Variants in EHBP1L1 observed in about 807,000 individuals in gnomAD.
EHBP1L1 encodes the protein EH domain binding protein 1 like 1.
In EHBP1L1, 122 loss-of-function variants were observed where a neutral mutation model predicts 151.1. That is an observed-to-expected ratio of 0.81 (90% CI 0.70 to 0.94). The LOEUF (loss-of-function observed/expected upper bound fraction) is 0.94. EHBP1L1 is among the 40% of genes least tolerant of loss of function. The pLI, the probability that EHBP1L1 is intolerant of heterozygous loss-of-function variation, is 0.00. For synonymous variants in EHBP1L1, 878 were observed against 810.1 expected, an observed-to-expected ratio of 1.08 and a Z score of -1.42; for missense variants, 1,941 against 1,959.8, an observed-to-expected ratio of 0.99 and a Z score of 0.18.
rs929367795 is a variant in EHBP1L1 at position 65,591,830 on chromosome 11, C to G, written c.4314C>G (p.Phe1438Leu). Residue 1438 changes from phenylalanine (F) to leucine (L), a missense_variant, in exon 17 of 19, where the codon TTC (phenylalanine) becomes TTG (leucine). Physicochemically the swap from Phe to Leu is conservative, Grantham distance 22. Coordinates refer to ENST00000309295, the MANE Select transcript of EHBP1L1 (RefSeq NM_001099409.3). The stretch of plus-strand genomic sequence containing the variant: ...AGGAGCAGGACTTGGAGCGAAGGTT[C>G]GAGCTGCTGAGCCGCGAGCTGCGGG... ...LMEEQDLERR[F>L]ELLSRELRAM... is the part of the protein sequence containing the mutation. 4 of 1,299,858 alleles carry G rather than the reference C, an allele frequency of 3.1e-6. No individual in the cohort carries two copies. The highest frequency in any genetic ancestry group is 2.5e-5 in the Admixed American group (1 of 40,264). The allele number at this position is 1,299,858 out of a possible 1,614,324, so 80.5% of individuals were successfully genotyped here. A position where few individuals can be genotyped will look rare whatever the true frequency, so the allele number is the denominator to read the frequency against.
At chr11:65,588,720 T>G (rs1479806629) in intron 12 of EHBP1L1, among the ~76,000 whole-genome samples, 1 of 152,218 alleles carries the variant, frequency 6.6e-6, no homozygotes, top group Non-Finnish European at 1.5e-5. Flanking sequence ...CCCCCAGGGC[T>G]GACAGTCCCA....
chr11:65,589,093 C>G (rs116795314), intron 12 of EHBP1L1, among the ~76,000 whole-genome samples: 21 of 152,232 alleles, frequency 1.4e-4, no homozygotes, highest in African/African-American at 5.1e-4. Flanking sequence ...TCAGAGGTGG[C>G]CTGAGGGAAT....
At chr11:65,588,172 G>A (rs1858072203) in intron 12 of EHBP1L1, among the ~76,000 whole-genome samples, 1 of 152,086 alleles carries the variant, frequency 6.6e-6, no homozygotes, top group Non-Finnish European at 1.5e-5. Flanking sequence ...GAAGAGTGTG[G>A]GGGCCCCGGC....
chr11:65,585,616 TC>T lies in EHBP1L1; in HGVS notation c.3933+30del. 1 of 1,535,474 alleles carries T rather than the reference TC, an allele frequency of 6.5e-7. No homozygotes were observed. Among genetic ancestry groups the T allele is most frequent in the Admixed American group, 1.9e-5 (1 of 51,422 alleles). ...AGTGAGTGTCAAGGTCCTTCTTTCTTCCCCCGCCGCAGCGCGGGGTCCCGGG... is the reference window on the plus strand; with the variant it reads ...AGTGAGTGTCAAGGTCCTTCTTTCTTCCCCGCCGCAGCGCGGGGTCCCGGG... On this transcript the variant is annotated intron_variant, in intron 12 of 18. Coordinates refer to ENST00000309295, the MANE Select transcript of EHBP1L1 (RefSeq NM_001099409.3). This position sits in a 1 kb window ranked among gnomAD's most constrained non-coding sequence, Gnocchi z 4.0.
At chr11:65,577,367 C>T (rs1232509117) in intron 1 of EHBP1L1, among the ~76,000 whole-genome samples, 1 of 152,220 alleles carries the variant, frequency 6.6e-6, no homozygotes, top group African/African-American at 2.4e-5. Flanking sequence ...TTGGCCTTGC[C>T]CACACTGGGC....
Position 65,589,734 on chromosome 11 carries a change from G to A in EHBP1L1, c.3934-17G>A. On this transcript the variant is annotated splice_polypyrimidine_tract_variant and intron_variant, in intron 12 of 18. Transcript: ENST00000309295. The stretch of plus-strand genomic sequence containing the variant: ...TGGGAAACCCCTCCCAGCCCTCACT[G>A]GCCCCTTCTTCCACAGGAAGGCCAG... 1 of 1,526,090 alleles carries A rather than the reference G, an allele frequency of 6.6e-7. No homozygotes were observed. The highest frequency in any genetic ancestry group is 2.5e-5 in the East Asian group (1 of 40,816). The allele number at this position is 1,526,090 out of a possible 1,614,324, so 94.5% of individuals were successfully genotyped here.
rs1414692399 is a variant in EHBP1L1 at position 65,585,135 on chromosome 11, G to T, written c.3477G>T (p.Thr1159=). 1.4e-6 allele frequency: 2 copies of T among 1,475,174 alleles called. No individual in the cohort carries two copies. The highest frequency in any genetic ancestry group is 2.6e-5 in the South Asian group (2 of 77,760). 91.4% of individuals were successfully genotyped at this position (1,475,174 alleles called of 1,614,324 possible). A position where few individuals can be genotyped will look rare whatever the true frequency, so the allele number is the denominator to read the frequency against. ...TGGAGGGCGGCGGCGGCGCCGGCAC[G>T]TACCGCGTGGGCAGCGCCCAGCCCA... is the stretch of plus-strand genomic sequence containing the variant. ...VQLEGGGGAG[T]YRVGSAQPSP... Residue 1159 remains threonine, a synonymous_variant, in exon 12 of 19, where the codon ACG becomes ACT. Transcript: ENST00000309295. The surrounding 1 kb of genome is among the most constrained non-coding windows in gnomAD (Gnocchi z 4.0).
Position 65,581,733 on chromosome 11 carries a change from A to C in EHBP1L1, c.1061A>C (p.His354Pro). The C allele has an allele frequency of 6.3e-7, 1 of 1,599,836 alleles. No individual in the cohort carries two copies. Among genetic ancestry groups the C allele is most frequent in the African/African-American group, 1.3e-5 (1 of 74,778 alleles). ...QACPQEGTEAHGARLGPSIED... is the reference protein window; with the variant it reads ...QACPQEGTEAPGARLGPSIED... ...TGCCCTCAGGAAGGGACAGAAGCCC[A>C]TGGAGCTAGGCTGGGCCCGAGCATT... The change falls in exon 9 of 19, where the codon CAT becomes CCT. Residue 354 changes from histidine (H) to proline (P), a missense_variant. Transcript: ENST00000309295.
In EHBP1L1 at chr11:65,582,790, G is replaced by A. The variant is rs1232465351; in HGVS notation, c.2118G>A (p.Val706=). ...TGCTGGGGACCCAGGAGACAGAGGT[G>A]GAAGCTTCTAGGGTACCAGAGTCAG... The part of the protein sequence containing the change: ...SEMLGTQETE[V]EASRVPESEA... Residue 706 remains valine (V), a synonymous_variant, in exon 9 of 19, where the codon GTG becomes GTA. Transcript: ENST00000309295. The A allele has an allele frequency of 1.2e-6, 2 of 1,613,154 alleles. No homozygotes were observed. Among genetic ancestry groups the A allele is most frequent in the Admixed American group, 1.7e-5 (1 of 59,982 alleles).
At position 65,583,140 on chromosome 11, in the gene EHBP1L1, AG is replaced by A. The variant is rs774953289; in HGVS notation, c.2469del (p.Ile824Ter). 5.5e-5 allele frequency: 89 copies of A among 1,613,226 alleles called. No homozygotes were observed. The highest frequency in any genetic ancestry group is 7.3e-5 in the Non-Finnish European group (86 of 1,179,784). ...GAAACTGAGATATTGGGGACCCAAG[AG>A]ATAGCATCTAGGAGTTCAGGGGTCC... is the stretch of plus-strand genomic sequence containing the variant. ...TAETEILGTQEIASRSSGVPG... is the reference protein window; with the variant it reads ...TAETEILGTQXIASRSSGVPG... On this transcript the variant is annotated frameshift_variant, in exon 9 of 19. Coordinates refer to ENST00000309295, the MANE Select transcript of EHBP1L1 (RefSeq NM_001099409.3). LOFTEE classifies it high-confidence loss of function.
At chr11:65,579,848 A>C in intron 3 of EHBP1L1, 88 bp from the exon 4 acceptor site, 6 of 1,294,290 alleles carry the variant, frequency 4.6e-6, no homozygotes, top group South Asian at 1.3e-5. Flanking sequence ...AAAAGCCACC[A>C]CTACCAAGCA....
At chr11:65,584,168 C>A in intron 9 of EHBP1L1, 73 bp from the exon 10 acceptor site, 4 of 1,558,896 alleles carry the variant, frequency 2.6e-6, no homozygotes, top group South Asian at 1.2e-5. Flanking sequence ...GTGTGCCAGG[C>A]ATGAGCTTCC....
rs1857638817 is a variant in EHBP1L1 at position 65,582,046 on chromosome 11, T to C, written c.1374T>C (p.Pro458=). The C allele has an allele frequency of 6.2e-7, 1 of 1,613,148 alleles. No individual in the cohort carries two copies. Among genetic ancestry groups the C allele is most frequent in the African/African-American group, 1.3e-5 (1 of 74,924 alleles). The part of the protein sequence containing the change: ...EARCRGTPEA[P]PRGSQGRLGV... ...GATGCAGGGGGACCCCTGAGGCTCC[T>C]CCAAGGGGCTCTCAGGGGAGGCTGG... Residue 458 remains proline, a synonymous_variant, in exon 9 of 19, where the codon CCT becomes CCC. Coordinates refer to ENST00000309295, the MANE Select transcript of EHBP1L1 (RefSeq NM_001099409.3).
chr11:65,583,440 G>C lies in EHBP1L1; in HGVS notation c.2768G>C (p.Gly923Ala). 2 of 1,613,576 alleles carry C rather than the reference G, an allele frequency of 1.2e-6. No individual in the cohort carries two copies. The highest frequency in any genetic ancestry group is 1.7e-6 in the Non-Finnish European group (2 of 1,179,756). The change falls in exon 9 of 19, where the codon GGA becomes GCA. Residue 923 changes from glycine to alanine, a missense_variant. Coordinates refer to ENST00000309295, the MANE Select transcript of EHBP1L1 (RefSeq NM_001099409.3). Reference protein sequence around the residue: ...GSQEAKAEISGVQGSETQVLR... With the variant: ...GSQEAKAEISAVQGSETQVLR... ...CAGGAAGCAAAAGCAGAGATTTCAGGAGTACAAGGGTCAGAGACTCAAGTT... is the reference window on the plus strand; with the variant it reads ...CAGGAAGCAAAAGCAGAGATTTCAGCAGTACAAGGGTCAGAGACTCAAGTT...
At chr11:65,581,165 C>T (rs763579566) in intron 7 of EHBP1L1, 39 bp downstream of exon 7, 25 of 1,611,704 alleles carry the variant, frequency 1.6e-5, no homozygotes, top group Non-Finnish European at 1.9e-5. Context: ...AGACTGGACC[C>T]CAGGTCACTG....
chr11:65,584,152 G>A (rs1857801474), intron 9 of EHBP1L1, 89 bp from the exon 10 acceptor site: 1 of 1,541,138 alleles, frequency 6.5e-7, no homozygotes, highest in Non-Finnish European at 8.7e-7. Flanking sequence ...CAGAGATGGG[G>A]CTGTTGTGTG....
At position 65,582,767 on chromosome 11, in the gene EHBP1L1, C is replaced by T. The variant is rs763527156; in HGVS notation, c.2095C>T (p.Leu699=). The change falls in exon 9 of 19, where the codon CTG becomes TTG. Residue 699 remains leucine, a synonymous_variant. Transcript: ENST00000309295. Reference sequence around the variant, plus strand: ...AGAAGATACAATACAGTCTGAGATGCTGGGGACCCAGGAGACAGAGGTGGA... The same window carrying T: ...AGAAGATACAATACAGTCTGAGATGTTGGGGACCCAGGAGACAGAGGTGGA... ...KIEDTIQSEM[L]GTQETEVEAS... is the part of the protein sequence containing the mutation. The T allele has an allele frequency of 1.2e-6, 2 of 1,613,594 alleles. No homozygotes were observed. The highest frequency in any genetic ancestry group is 1.7e-6 in the Non-Finnish European group (2 of 1,179,850).
chr11:65,584,945 C>G lies in EHBP1L1; in HGVS notation c.3301-14C>G. ...CCACCGCCGCCGCTGACCCCGAGTG[C>G]ACCCTTCCCCTAGGCCTTCGATGGC... On this transcript the variant is annotated splice_polypyrimidine_tract_variant and intron_variant, in intron 11 of 18. Transcript: ENST00000309295. 6.5e-7 allele frequency: 1 copy of G among 1,532,776 alleles called. No individual in the cohort carries two copies. The highest frequency in any genetic ancestry group is 8.7e-7 in the Non-Finnish European group (1 of 1,145,538). The allele number at this position is 1,532,776 out of a possible 1,614,324, so 94.9% of individuals were successfully genotyped here.
At chr11:65,586,104 A>G (rs1286940782) in intron 12 of EHBP1L1, among the ~76,000 whole-genome samples, 2 of 152,214 alleles carry the variant, frequency 1.3e-5, no homozygotes, top group Non-Finnish European at 2.9e-5. Context: ...TCCCAGCCCC[A>G]GGACTCTGGC....
Sources: gnomAD v4.1 joint callset for allele counts (sites outside exome capture counted in the v4.1 genomes callset) on GRCh38, gnomAD v4.1.1 for gene constraint, Gnocchi (gnomAD v3.1) non-coding constraint, MANE v1.5 for transcripts, NCBI Gene and HGNC (gene_info 2026-07-23, HGNC 2026-07-21) for gene names.